Variants in NUTF2 observed in about 807,000 individuals in gnomAD.
NUTF2 encodes placental protein 15.
A neutral mutation model predicts 18.5 loss-of-function variants in NUTF2; 3 were observed. The ratio of observed to expected loss-of-function variants is 0.16; its 90% CI spans 0.07 to 0.42. NUTF2 has a LOEUF of 0.42. Among genes scored for constraint, NUTF2 ranks in the 10% least tolerant of loss-of-function variants. The pLI is 0.99. For synonymous variants in NUTF2, 51 were observed against 57.9 expected, an observed-to-expected ratio of 0.88 and a Z score of 0.54; for missense variants, 44 against 160.7, an observed-to-expected ratio of 0.27 and a Z score of 3.93.
Position 67,871,122 on chromosome 16 carries a change from C to T in NUTF2, c.*209C>T, listed in dbSNP as rs2058008716. 4.5e-6 allele frequency: 2 copies of T among 444,088 alleles called. No individual in the cohort carries two copies. Among genetic ancestry groups the T allele is most frequent in the Middle Eastern group, 5.7e-4 (1 of 1,756 alleles). 27.5% of individuals were successfully genotyped at this position (444,088 alleles called of 1,614,324 possible). On this transcript the variant is annotated 3_prime_UTR_variant, in exon 5 of 5. Transcript: ENST00000219169. ...ACGGGAGAAGTTTGTGTTGTACCAG[C>T]GCATGCCTTGGAAAGACTTAAGTAA...
chr16:67,866,000 G>A (rs2057968643), intron 2 of NUTF2, among the ~76,000 whole-genome samples: 1 of 152,164 alleles, frequency 6.6e-6, no homozygotes, highest in Non-Finnish European at 1.5e-5. Flanking sequence ...TTACAGGCGT[G>A]AGCCACTGCG....
chr16:67,869,878 TGTCTTACAATAACATG>T (rs2058000081), intron 4 of NUTF2: 2 of 152,248 alleles, frequency 1.3e-5, no homozygotes, highest in Non-Finnish European at 2.9e-5. Flanking sequence ...CCTGGGCTTG[TGTCTTACAATAACATG>T]GTCACATGCT....
chr16:67,852,901 A>G (rs1414862743), intron 1 of NUTF2, among the ~76,000 whole-genome samples: 1 of 150,010 alleles, frequency 6.7e-6, no homozygotes, highest in African/African-American at 2.5e-5. Context: ...CTGGTCTCGA[A>G]CTCCCGACCT....
intron 1 of NUTF2, chr16:67,855,869 C>T: frequency 6.7e-6 from 3 of 447,284 alleles, no homozygotes; most frequent in South Asian, 6.2e-5. Flanking sequence ...CATTCCTTGC[C>T]ACCCGATTTT....
At chr16:67,867,925 A>C (rs1471566035) in intron 2 of NUTF2, among the ~76,000 whole-genome samples, 1 of 152,046 alleles carries the variant, frequency 6.6e-6, no homozygotes, top group Middle Eastern at 3.2e-3. Context: ...TGACCTCGTG[A>C]TCTTCCCGCC....
intron 1 of NUTF2, chr16:67,855,875 A>ATT: frequency 6.7e-6 from 2 of 299,440 alleles, no homozygotes; most frequent in South Asian, 4.1e-5. Context: ...TTGCCACCCG[A>ATT]TTTTTTTTTG....
At chr16:67,862,572 C>T (rs915438006) in intron 1 of NUTF2, among the ~76,000 whole-genome samples, 2 of 152,160 alleles carry the variant, frequency 1.3e-5, no homozygotes, top group African/African-American at 2.4e-5. Context: ...TGGTGGTGCA[C>T]GCCTGTAATC....
chr16:67,851,617 C>T (rs548255516), intron 1 of NUTF2, among the ~76,000 whole-genome samples: 72 of 152,260 alleles, frequency 4.7e-4, no homozygotes, highest in African/African-American at 1.7e-3. Flanking sequence ...ATTAACTCGT[C>T]ATTTACATTA....
At chr16:67,860,355 G>C (rs1043913093) in intron 1 of NUTF2, among the ~76,000 whole-genome samples, 2 of 152,128 alleles carry the variant, frequency 1.3e-5, no homozygotes, top group Non-Finnish European at 2.9e-5. Context: ...GCTCACTGTA[G>C]CCTGGACCTC....
In NUTF2 at chr16:67,870,979, C is replaced by T; in HGVS notation, c.*66C>T. On this transcript the variant is annotated 3_prime_UTR_variant, in exon 5 of 5. Transcript: ENST00000219169. ...CCTCTTCCCAATACTATTCCCACTC[C>T]TCCAGATGCTCCAAATATCATGCAC... The T allele has an allele frequency of 8.7e-7, 1 of 1,155,318 alleles. No individual in the cohort carries two copies. The highest frequency in any genetic ancestry group is 1.3e-6 in the Non-Finnish European group (1 of 768,360). 71.6% of individuals were successfully genotyped at this position (1,155,318 alleles called of 1,614,324 possible).
intron 1 of NUTF2, 113 bp downstream of exon 1, chr16:67,847,098 C>T (rs895537889): frequency 6.7e-6 from 1 of 150,260 alleles, no homozygotes; most frequent in Non-Finnish European, 1.5e-5. Flanking sequence ...TCCCCCCCCC[C>T]CGGCGGCCCG....
intron 1 of NUTF2, among the ~76,000 whole-genome samples, chr16:67,849,186 A>C (rs1438455265): frequency 6.6e-6 from 1 of 152,242 alleles, no homozygotes; most frequent in Non-Finnish European, 1.5e-5. Context: ...GACTACCCAC[A>C]GGACAATGAG....
chr16:67,858,269 G>A (rs1402746578), intron 1 of NUTF2, among the ~76,000 whole-genome samples: 1 of 152,184 alleles, frequency 6.6e-6, no homozygotes, highest in East Asian at 1.9e-4. Flanking sequence ...CCTGGTTCAA[G>A]TGATTCTACC....
intron 1 of NUTF2, among the ~76,000 whole-genome samples, chr16:67,864,509 C>CAAAAA (rs572931294): frequency 1.3e-3 from 70 of 52,344 alleles, no homozygotes; most frequent in Non-Finnish European, 2.4e-3. Flanking sequence ...AACTCTGTCT[C>CAAAAA]AAAAAAAAAA....
At chr16:67,849,218 A>G (rs370177386) in intron 1 of NUTF2, among the ~76,000 whole-genome samples, 1 of 152,370 alleles carries the variant, frequency 6.6e-6, no homozygotes, top group South Asian at 2.1e-4. Context: ...AACTAGAAGC[A>G]GTTATTTCAA....
intron 4 of NUTF2, 144 bp from the exon 5 acceptor site, chr16:67,870,656 G>A (rs546394797): frequency 1.7e-5 from 12 of 704,018 alleles, no homozygotes; most frequent in South Asian, 1.7e-4. Flanking sequence ...ACATTCACAA[G>A]TACCCCTTGG....
intron 1 of NUTF2, among the ~76,000 whole-genome samples, chr16:67,859,339 C>G (rs1406982531): frequency 7.1e-6 from 1 of 141,402 alleles, no homozygotes; most frequent in African/African-American, 2.6e-5. Flanking sequence ...GCCACCACAC[C>G]CAGCTGATGA....
Position 67,868,345 on chromosome 16 carries a change from C to T in NUTF2, c.105C>T (p.Asp35=), listed in dbSNP as rs752160705. 8.1e-6 allele frequency: 13 copies of T among 1,613,498 alleles called. No individual in the cohort carries two copies. Among genetic ancestry groups the T allele is most frequent in the Admixed American group, 1.7e-5 (1 of 59,970 alleles). ...DRTQLGAIYI[D]ASCLTWEGQQ... ...GTTTCCTGTGCCTTTTTCAGATTGA[C>T]GCGTCATGCCTTACGTGGGAAGGAC... Residue 35 remains aspartate, a synonymous_variant, in exon 3 of 5, where the codon GAC becomes GAT. Transcript: ENST00000219169.
chr16:67,847,346 C>T (rs995381832), intron 1 of NUTF2: 2 of 152,454 alleles, frequency 1.3e-5, no homozygotes, highest in Non-Finnish European at 2.9e-5. Flanking sequence ...GCGAGCCCCG[C>T]AAGCTCTGCA....
Sources: allele counts gnomAD v4.1 joint callset (sites outside exome capture counted in the v4.1 genomes callset), GRCh38; gene constraint gnomAD v4.1.1; transcripts MANE v1.5; gene names NCBI Gene and HGNC (gene_info 2026-07-23, HGNC 2026-07-21).